CAB39: variants seen among roughly 807,000 people sequenced by gnomAD.
CAB39 encodes calcium binding protein 39, also known as calcium-binding protein 39.
A neutral mutation model predicts 40.0 loss-of-function variants in CAB39; 8 were observed. The ratio of observed to expected loss-of-function variants is 0.20; its 90% CI spans 0.12 to 0.36. The LOEUF (loss-of-function observed/expected upper bound fraction) is 0.36. CAB39 is among the 10% of genes least tolerant of loss of function. The pLI, the probability that CAB39 is intolerant of heterozygous loss-of-function variation, is 1.00. For missense variants in CAB39, 270 were observed against 401.1 expected (o/e 0.67, Z 2.79); for synonymous variants, 156 against 141.6 (o/e 1.10, Z -0.72).
At position 230,782,809 on chromosome 2, in the gene CAB39, C is replaced by CTTTTTTTTTTTTTT. The variant is rs1408052300; in HGVS notation, c.115-8060_115-8059insTTTTTTTTTTTTTT. Among the ~76,000 whole-genome samples the CTTTTTTTTTTTTTT allele has an allele frequency of 1.8e-3, 199 of 112,340 alleles. 1 individual carries two copies. The highest frequency in any genetic ancestry group is 4.8e-3 in the Middle Eastern group (1 of 210). The allele number at this position is 112,340 out of a possible 152,430, so 73.7% of individuals were successfully genotyped here. Reference sequence around the variant, plus strand: ...CTGCTGTTTCTTTCTTTCTTTCTTTCTTTCTTTTTTTTTTTTTTTTTTTGA... The same window carrying CTTTTTTTTTTTTTT: ...CTGCTGTTTCTTTCTTTCTTTCTTTCTTTTTTTTTTTTTTTTTCTTTTTTTTTTTTTTTTTTTGA... On this transcript the variant is annotated intron_variant, in intron 2 of 8. Coordinates refer to ENST00000258418, the MANE Select transcript of CAB39 (RefSeq NM_016289.4).
intron 1 of CAB39, among the ~76,000 whole-genome samples, chr2:230,755,267 G>A (rs575628915): frequency 1.3e-4 from 20 of 152,302 alleles, no homozygotes; most frequent in Non-Finnish European, 4.4e-5. Flanking sequence ...GAGTGTAGAA[G>A]TGTTCTCTGA....
chr2:230,771,017 A>G (rs1409958495), intron 2 of CAB39, among the ~76,000 whole-genome samples: 8 of 152,182 alleles, frequency 5.3e-5, no homozygotes, highest in Non-Finnish European at 1.0e-4. Flanking sequence ...CAACTATTCA[A>G]CTTCGTACTT....
intron 1 of CAB39, among the ~76,000 whole-genome samples, chr2:230,756,262 A>G (rs1695188161): frequency 6.6e-6 from 1 of 152,246 alleles, no homozygotes; most frequent in African/African-American, 2.4e-5. Context: ...AGTCAACTAC[A>G]TAGTAATCTA....
At chr2:230,770,498 G>T (rs1381153415) in intron 2 of CAB39, among the ~76,000 whole-genome samples, 1 of 152,202 alleles carries the variant, frequency 6.6e-6, no homozygotes, top group South Asian at 2.1e-4. Context: ...GGCGTTGTTA[G>T]AGATTTCTAC....
intron 7 of CAB39, among the ~76,000 whole-genome samples, chr2:230,817,071 G>A (rs369434532): frequency 2.1e-4 from 32 of 152,322 alleles, no homozygotes; most frequent in African/African-American, 7.2e-4. Context: ...GAGTTTATAT[G>A]ATATAACCAA....
intron 6 of CAB39, among the ~76,000 whole-genome samples, chr2:230,811,288 T>C (rs1696300205): frequency 6.6e-6 from 1 of 152,198 alleles, no homozygotes; most frequent in South Asian, 2.1e-4. Context: ...AATCTATGCT[T>C]GCTTGTTCTT....
intron 2 of CAB39, among the ~76,000 whole-genome samples, chr2:230,780,001 A>G (rs1233698614): frequency 6.6e-6 from 1 of 152,230 alleles, no homozygotes; most frequent in Non-Finnish European, 1.5e-5. Flanking sequence ...TGAGATCTTA[A>G]AGAAATGGAA....
At chr2:230,774,641 A>C (rs532152977) in intron 2 of CAB39, among the ~76,000 whole-genome samples, 1 of 152,316 alleles carries the variant, frequency 6.6e-6, no homozygotes, top group South Asian at 2.1e-4. Flanking sequence ...TTGTGTTCAC[A>C]GGGTTGAATA....
chr2:230,718,491 C>T (rs951010224), intron 1 of CAB39, among the ~76,000 whole-genome samples: 18 of 152,156 alleles, frequency 1.2e-4, no homozygotes, highest in Admixed American at 7.9e-4. Flanking sequence ...TGGTTAAAAG[C>T]GCAGGTGCAG....
intron 6 of CAB39, among the ~76,000 whole-genome samples, chr2:230,812,547 A>G (rs1696323601): frequency 6.6e-6 from 1 of 152,230 alleles, no homozygotes; most frequent in African/African-American, 2.4e-5. Context: ...TTCTGTATAT[A>G]TAAGAACTTG....
intron 2 of CAB39, among the ~76,000 whole-genome samples, chr2:230,765,021 T>C (rs1351431925): frequency 6.6e-6 from 1 of 152,182 alleles, no homozygotes; most frequent in Non-Finnish European, 1.5e-5. Flanking sequence ...GGAGTCTCGC[T>C]CTGTCGCCAG....
chr2:230,777,821 T>G (rs1019637458), intron 2 of CAB39, among the ~76,000 whole-genome samples: 1 of 152,222 alleles, frequency 6.6e-6, no homozygotes, highest in African/African-American at 2.4e-5. Flanking sequence ...TAAGTAACAC[T>G]GCATGTACTT....
At chr2:230,737,239 A>G (rs574959889) in intron 1 of CAB39, among the ~76,000 whole-genome samples, 1 of 152,196 alleles carries the variant, frequency 6.6e-6, no homozygotes, top group East Asian at 1.9e-4. Context: ...GAGAAGATAG[A>G]CCCTCACCTG....
chr2:230,760,698 C>T (rs951248656), intron 2 of CAB39, among the ~76,000 whole-genome samples: 3 of 152,144 alleles, frequency 2.0e-5, no homozygotes, highest in Non-Finnish European at 2.9e-5. Context: ...TCAGTGTATC[C>T]GTGCCAAATG....
intron 2 of CAB39, among the ~76,000 whole-genome samples, chr2:230,782,919 T>TCTC (rs1378193036): frequency 2.6e-5 from 4 of 150,980 alleles, no homozygotes; most frequent in Non-Finnish European, 5.9e-5. Flanking sequence ...TTCACGCCAT[T>TCTC]CTCCTGCCTC....
Position 230,798,816 on chromosome 2 carries a change from G to A in CAB39, c.486G>A (p.Trp162Ter). The change falls in exon 5 of 9, where the codon TGG (tryptophan) becomes TGA (stop). Residue 162 changes from tryptophan (W) to a stop codon, truncating the protein, a stop_gained. Coordinates refer to ENST00000258418, the MANE Select transcript of CAB39 (RefSeq NM_016289.4). LOFTEE classifies it high-confidence loss of function. ...AACCACTTGCAAAAATCATTTTGTG[G>A]TCGGAACAGTTTTATGATTTCTTCA... is the stretch of plus-strand genomic sequence containing the variant. ...RHEPLAKIIL[W>*]SEQFYDFFRY... The A allele has an allele frequency of 6.2e-7, 1 of 1,611,126 alleles. No homozygotes were observed. Among genetic ancestry groups the A allele is most frequent in the Non-Finnish European group, 8.5e-7 (1 of 1,178,478 alleles).
At chr2:230,739,139 G>A (rs769177076) in intron 1 of CAB39, among the ~76,000 whole-genome samples, 12 of 152,224 alleles carry the variant, frequency 7.9e-5, no homozygotes, top group Admixed American at 2.6e-4. Flanking sequence ...GGGTGAGGCT[G>A]TGATGTTTGC....
intron 3 of CAB39, among the ~76,000 whole-genome samples, chr2:230,792,055 G>A (rs1426304168): frequency 6.6e-6 from 1 of 152,096 alleles, no homozygotes; most frequent in Non-Finnish European, 1.5e-5. Context: ...TTTTGGAAAA[G>A]GATGAGAGGG....
chr2:230,796,873 C>T (rs1695995645), intron 4 of CAB39, among the ~76,000 whole-genome samples: 1 of 152,038 alleles, frequency 6.6e-6, no homozygotes, highest in South Asian at 2.1e-4. Context: ...GGTACAGGGG[C>T]AGGAATGAAC....
Sources: gnomAD v4.1 joint callset for allele counts (sites outside exome capture counted in the v4.1 genomes callset) on GRCh38, gnomAD v4.1.1 for gene constraint, MANE v1.5 for transcripts, NCBI Gene and HGNC (gene_info 2026-07-23, HGNC 2026-07-21) for gene names.